The following TRAPPC11 variants were observed in gnomAD, a reference collection of about 807,000 sequenced individuals.
TRAPPC11 encodes the protein foie gras homolog.
TRAPPC11 carries 104 observed loss-of-function variants against 151.2 expected under a neutral mutation model. That is an observed-to-expected ratio of 0.69 (90% confidence interval 0.59 to 0.81). The LOEUF (loss-of-function observed/expected upper bound fraction) is 0.81, where lower values mean the gene tolerates loss of function less well. Among genes scored for constraint, TRAPPC11 ranks in the 30% least tolerant of loss-of-function variants. The pLI, the probability that TRAPPC11 is intolerant of heterozygous loss-of-function variation, is 0.00. For missense variants in TRAPPC11, 1,230 were observed against 1,349.6 expected (o/e 0.91, Z 1.39); for synonymous variants, 456 against 472.3 (o/e 0.97, Z 0.45).
At chr4:183,709,045 C>G (rs967948206) in intron 29 of TRAPPC11, among the ~76,000 whole-genome samples, 3 of 151,664 alleles carry the variant, frequency 2.0e-5, no homozygotes, top group Non-Finnish European at 4.4e-5. Flanking sequence ...AGAATACATA[C>G]GATGGGCAGT....
intron 19 of TRAPPC11, 66 bp downstream of exon 19, chr4:183,691,537 A>G: frequency 1.0e-6 from 1 of 1,002,592 alleles, no homozygotes; most frequent in Non-Finnish European, 1.3e-6. Context: ...AATATTTTAA[A>G]TAATACAAAA....
intron 1 of TRAPPC11, among the ~76,000 whole-genome samples, chr4:183,660,741 T>C (rs1291947955): frequency 1.3e-5 from 2 of 152,116 alleles, no homozygotes; most frequent in African/African-American, 4.8e-5. Context: ...TGAGACGGAG[T>C]CTTGCTCTGT....
At position 183,685,151 on chromosome 4, in the gene TRAPPC11, T is replaced by C. The variant is rs765902967; in HGVS notation, c.1629+6T>C. On this transcript the variant is annotated splice_donor_region_variant and intron_variant, in intron 16 of 29. Transcript: ENST00000334690. ...ACCTCATAAATGTTTTAATGGTAGG[T>C]TGGAATTGTTTATATAGAGTGTGTT... The C allele has an allele frequency of 1.2e-6, 2 of 1,613,522 alleles. No homozygotes were observed. The highest frequency in any genetic ancestry group is 1.7e-6 in the Non-Finnish European group (2 of 1,179,700).
At chr4:183,686,093 C>T (rs541025703) in intron 17 of TRAPPC11, among the ~76,000 whole-genome samples, 34 of 152,282 alleles carry the variant, frequency 2.2e-4, no homozygotes, top group Admixed American at 1.2e-3. Flanking sequence ...CCGCCTGAGC[C>T]TCCCAAAGTG....
chr4:183,694,936 A>G (rs1736456546), intron 23 of TRAPPC11, among the ~76,000 whole-genome samples: 3 of 146,154 alleles, frequency 2.1e-5, no homozygotes, highest in Admixed American at 1.4e-4. Flanking sequence ...ATTAGCTTAT[A>G]TGGCTTTTCT....
chr4:183,684,153 C>A lies in TRAPPC11; in HGVS notation c.1296C>A (p.Ile432=). 6.2e-7 allele frequency: 1 copy of A among 1,613,584 alleles called. No homozygotes were observed. The highest frequency in any genetic ancestry group is 1.1e-5 in the South Asian group (1 of 91,022). Residue 432 remains isoleucine (I), a synonymous_variant, in exon 13 of 30, where the codon ATC becomes ATA. Coordinates refer to ENST00000334690, the MANE Select transcript of TRAPPC11 (RefSeq NM_021942.6). ...TCTACTTTTTCTAATAGGAGATAATCATAACTCTTCTGAGCAATGCTGTTG... is the reference window on the plus strand; with the variant it reads ...TCTACTTTTTCTAATAGGAGATAATAATAACTCTTCTGAGCAATGCTGTTG... ...KERNVVHSEI[I]ITLLSNAVAQ... is the part of the protein sequence containing the mutation.
chr4:183,694,190 C>T (rs918623830), intron 22 of TRAPPC11, 152 bp downstream of exon 22: 5 of 830,210 alleles, frequency 6.0e-6, no homozygotes, highest in Middle Eastern at 2.5e-4. Context: ...ATTTTACATA[C>T]GTAAATGTGT....
chr4:183,674,137 G>T (rs1735292410), intron 5 of TRAPPC11, among the ~76,000 whole-genome samples: 1 of 152,118 alleles, frequency 6.6e-6, no homozygotes, highest in Non-Finnish European at 1.5e-5. Context: ...GCCAGGAGCG[G>T]TGGCTCACAC....
Position 183,704,981 on chromosome 4 carries a change from C to T in TRAPPC11, c.2966C>T (p.Thr989Ile), listed in dbSNP as rs1162953912. The change falls in exon 27 of 30, where the codon ACC becomes ATC. Residue 989 changes from threonine (T) to isoleucine (I), a missense_variant and splice_region_variant. Transcript: ENST00000334690. ...TGHYIISWKR[T>I]SAMENIPIIT... ...AAAGATGACCTCTTCTGCCACAGGA[C>T]CTCAGCAATGGAGAATATCCCCATC... 1 of 1,579,784 alleles carries T rather than the reference C, an allele frequency of 6.3e-7. No homozygotes were observed. The highest frequency in any genetic ancestry group is 1.2e-5 in the South Asian group (1 of 85,938).
At chr4:183,695,028 G>A (rs529127071) in intron 23 of TRAPPC11, among the ~76,000 whole-genome samples, 8 of 147,210 alleles carry the variant, frequency 5.4e-5, no homozygotes, top group East Asian at 2.0e-4. Flanking sequence ...GGCTCACTGC[G>A]ACCTCCACCT....
chr4:183,682,512 T>A (rs1374945096), intron 10 of TRAPPC11, among the ~76,000 whole-genome samples: 1 of 152,234 alleles, frequency 6.6e-6, no homozygotes, highest in Non-Finnish European at 1.5e-5. Flanking sequence ...TGAAATCATT[T>A]GTCAGAATCA....
At chr4:183,700,478 G>T (rs543591385) in intron 25 of TRAPPC11, among the ~76,000 whole-genome samples, 1 of 152,178 alleles carries the variant, frequency 6.6e-6, no homozygotes, top group Admixed American at 6.5e-5. Context: ...TAAAATTGCC[G>T]TTAAATATGT....
Position 183,700,420 on chromosome 4 carries a change from G to A in TRAPPC11, c.2852-1277G>A, listed in dbSNP as rs1736746613. Among the ~76,000 whole-genome samples, 3 of 152,290 alleles carry A rather than the reference G, an allele frequency of 2.0e-5. No homozygotes were observed. In the South Asian group the frequency reaches 6.2e-4, roughly 32 times the overall value. ...TAGAAAACCATAAAAATAGCCTAAT[G>A]TTTAGAAACTTTGTTGTTATTCCTT... On this transcript the variant is annotated intron_variant, in intron 25 of 29. Transcript: ENST00000334690.
At chr4:183,694,945 CTTTTTTTTT>C (rs34556587) in intron 23 of TRAPPC11, among the ~76,000 whole-genome samples, 3 of 119,858 alleles carry the variant, frequency 2.5e-5, no homozygotes, top group African/African-American at 6.3e-5. Context: ...TATGGCTTTT[CTTTTTTTTT>C]TTTTTTTTTT....
In TRAPPC11 at chr4:183,659,412, GC is replaced by G. The variant is rs1335592236; in HGVS notation, c.-55del. 6.4e-6 allele frequency: 1 copy of G among 156,778 alleles called. No individual in the cohort carries two copies. Among genetic ancestry groups the G allele is most frequent in the African/African-American group, 2.4e-5 (1 of 41,638 alleles). The allele number at this position is 156,778 out of a possible 1,614,324, so 9.7% of individuals were successfully genotyped here. ...GTCTTCTCCCGGCTGGCGGCGACCG[GC>G]CTCAGCTGCAGCGGGCCCGGGGCGT... On this transcript the variant is annotated 5_prime_UTR_variant, in exon 1 of 30. Transcript: ENST00000334690.
Position 183,666,299 on chromosome 4 carries a change from A to G in TRAPPC11, c.247A>G (p.Thr83Ala), listed in dbSNP as rs1430140341. Residue 83 changes from threonine to alanine, a missense_variant, in exon 3 of 30, where the codon ACT becomes GCT. Thr to Ala is a moderately conservative substitution (Grantham distance 58). Coordinates refer to ENST00000334690, the MANE Select transcript of TRAPPC11 (RefSeq NM_021942.6). The stretch of plus-strand genomic sequence containing the variant: ...GTACATTCCTAAAGGGATCTTAAAG[A>G]CTGGCTGGATGAATAAGCATCTGAA... ...EWYIPKGILKTGWMNKHLNLV... is the reference protein window; with the variant it reads ...EWYIPKGILKAGWMNKHLNLV... 2.3e-5 allele frequency: 37 copies of G among 1,614,070 alleles called. No individual in the cohort carries two copies. The highest frequency in any genetic ancestry group is 3.1e-5 in the Non-Finnish European group (37 of 1,180,024).
At chr4:183,685,057 A>T in intron 15 of TRAPPC11, 27 bp from the exon 16 acceptor site, 1 of 1,604,804 alleles carries the variant, frequency 6.2e-7, no homozygotes, top group Non-Finnish European at 8.5e-7. Flanking sequence ...AGTACTTAAA[A>T]TGTTTTTCCT....
Position 183,686,598 on chromosome 4 carries a change from C to G in TRAPPC11, c.1763-20C>G, listed in dbSNP as rs763786723. On this transcript the variant is annotated intron_variant, in intron 17 of 29. Transcript: ENST00000334690. Reference sequence around the variant, plus strand: ...GGGTATCTGGTTGTGCATAACACAGCCCTTTTGTTTTATTTCTAGTGCAGT... The same window carrying G: ...GGGTATCTGGTTGTGCATAACACAGGCCTTTTGTTTTATTTCTAGTGCAGT... 6.8e-6 allele frequency: 11 copies of G among 1,612,500 alleles called. No homozygotes were observed. The South Asian group carries it at 1.2e-4, about 18-fold the overall frequency.
chr4:183,704,394 G>T (rs1284697523), intron 26 of TRAPPC11, among the ~76,000 whole-genome samples: 1 of 151,854 alleles, frequency 6.6e-6, no homozygotes, highest in South Asian at 2.1e-4. Context: ...GGCTTCACGC[G>T]CCTGTAATCC....
Sources: gnomAD v4.1 joint callset for allele counts (sites outside exome capture counted in the v4.1 genomes callset) on GRCh38, gnomAD v4.1.1 for gene constraint, MANE v1.5 for transcripts, NCBI Gene and HGNC (gene_info 2026-07-23, HGNC 2026-07-21) for gene names.